LINGO2: variants seen among roughly 807,000 people sequenced by gnomAD.
The protein encoded by LINGO2 is leucine rich repeat and Ig domain containing 2.
Under a neutral mutation model 30.6 loss-of-function variants are expected in LINGO2, and 14 were observed. The ratio of observed to expected loss-of-function variants is 0.46; its 90% CI spans 0.30 to 0.72. LINGO2 has a LOEUF of 0.72. Ranked by LOEUF, LINGO2 falls within the 30% of genes least tolerant of loss-of-function variation. The probability of loss-of-function intolerance (pLI) is 0.07; values close to 1 mark genes in which losing one functional copy is unlikely to be tolerated. For synonymous variants in LINGO2, 317 were observed against 288.5 expected (o/e 1.10, Z -1.00); for missense variants, 729 against 751.7 (o/e 0.97, Z 0.35).
intron 4 of LINGO2, among the ~76,000 whole-genome samples, chr9:28,017,682 A>ATT (rs1822907230): frequency 6.6e-6 from 1 of 152,150 alleles, no homozygotes; most frequent in South Asian, 2.1e-4. Context: ...ACAAATGAGA[A>ATT]TTTCAAAACA....
chr9:28,937,623 C>T, the LINGO2 span, among the ~76,000 whole-genome samples: 1 of 151,978 alleles, frequency 6.6e-6, no homozygotes, highest in South Asian at 2.1e-4. Context: ...GCAGTTTTGC[C>T]CCTGAGGAAA....
upstream of LINGO2, among the ~76,000 whole-genome samples, chr9:28,675,252 A>G (rs1462290141): frequency 6.6e-6 from 1 of 152,156 alleles, no homozygotes; most frequent in Non-Finnish European, 1.5e-5. Flanking sequence ...CACTGCCTTT[A>G]AAGTTTCAAA....
rs77985974 is a variant in LINGO2 at position 28,550,529 on chromosome 9, T to C, written c.-364-74504A>G. Among the ~76,000 whole-genome samples, 54 of 151,992 alleles carry C rather than the reference T, an allele frequency of 3.6e-4. No individual in the cohort carries two copies. In the East Asian group the frequency reaches 8.3e-3, roughly 23 times the overall value. On this transcript the variant is annotated intron_variant, in intron 1 of 5. Transcript: ENST00000379992. ...TCTTAAACATATTTATTTTATTATA[T>C]CTTTCAAATTGTTCTATTATTTCAG...
intron 4 of LINGO2, among the ~76,000 whole-genome samples, chr9:28,158,199 G>A (rs1182697697): frequency 2.0e-5 from 3 of 152,186 alleles, no homozygotes; most frequent in African/African-American, 7.2e-5. Flanking sequence ...GTAGATAGGA[G>A]AAGAGAGCTT....
At chr9:28,928,475 G>GTT in the LINGO2 span, among the ~76,000 whole-genome samples, 2 of 150,816 alleles carry the variant, frequency 1.3e-5, no homozygotes, top group Non-Finnish European at 3.0e-5. Flanking sequence ...ACTTATATGT[G>GTT]TTTTTTTTTA....
chr9:28,316,428 A>G (rs1311348914), intron 3 of LINGO2, among the ~76,000 whole-genome samples: 1 of 152,176 alleles, frequency 6.6e-6, no homozygotes, highest in African/African-American at 2.4e-5. Context: ...AATTATTAAG[A>G]CACTGACCTT....
At chr9:28,312,667 C>A (rs1043297522) in intron 3 of LINGO2, among the ~76,000 whole-genome samples, 3 of 151,864 alleles carry the variant, frequency 2.0e-5, no homozygotes, top group Non-Finnish European at 4.4e-5. Flanking sequence ...GTATTTCTAC[C>A]CTTATACAAG....
the LINGO2 span, among the ~76,000 whole-genome samples, chr9:28,807,973 C>T: frequency 1.3e-5 from 2 of 152,256 alleles, no homozygotes; most frequent in Non-Finnish European, 2.9e-5. Context: ...AATGGTCTTA[C>T]TGACCTTATT....
At chr9:27,979,103 T>C (rs1417133514) in intron 5 of LINGO2, among the ~76,000 whole-genome samples, 2 of 151,974 alleles carry the variant, frequency 1.3e-5, no homozygotes, top group Non-Finnish European at 2.9e-5. Context: ...AAACCAGAAA[T>C]AGAAAGTATG....
intron 4 of LINGO2, among the ~76,000 whole-genome samples, chr9:28,132,856 C>T (rs1384731457): frequency 6.6e-6 from 1 of 152,176 alleles, no homozygotes; most frequent in East Asian, 1.9e-4. Context: ...TTTCAGTGGG[C>T]ACTTACGTGA....
chr9:28,613,857 G>A (rs1826022949), intron 1 of LINGO2, among the ~76,000 whole-genome samples: 1 of 152,114 alleles, frequency 6.6e-6, no homozygotes, highest in Non-Finnish European at 1.5e-5. Context: ...TGGTCCATTG[G>A]ACATGTTAAA....
chr9:28,888,028 C>T, the LINGO2 span, among the ~76,000 whole-genome samples: 8 of 152,052 alleles, frequency 5.3e-5, no homozygotes, highest in Non-Finnish European at 1.2e-4. Flanking sequence ...TGTAGAAAAA[C>T]ACTGAGAGGA....
Position 28,441,251 on chromosome 9 carries a change from CTTTTTTTTTTTTTTTTTTTTTTTTTT to C in LINGO2, c.-279+34663_-279+34688del, listed in dbSNP as rs72213590. Reference sequence around the variant, plus strand: ...TATAGCAGTATAAATTCATTGGAGGCTTTTTTTTTTTTTTTTTTTTTTTTTTTTTTTTTTTTTTGGTGAATTAGCCC... The same window carrying C: ...TATAGCAGTATAAATTCATTGGAGGCTTTTTTTTTTTTGGTGAATTAGCCC... On this transcript the variant is annotated intron_variant, in intron 2 of 5. Coordinates refer to ENST00000379992, the Ensembl canonical transcript of LINGO2. Among the ~76,000 whole-genome samples the C allele has an allele frequency of 1.2e-3, 42 of 36,286 alleles. 1 individual carries two copies. Among genetic ancestry groups the C allele is most frequent in the East Asian group, 7.2e-3 (10 of 1,392 alleles). 23.8% of individuals were successfully genotyped at this position (36,286 alleles called of 152,430 possible).
the LINGO2 span, among the ~76,000 whole-genome samples, chr9:28,837,682 T>TATATATATATATATATATATATG: frequency 2.1e-5 from 1 of 46,780 alleles, no homozygotes; most frequent in Admixed American, 2.5e-4. Flanking sequence ...ATATATATAT[T>TATATATATATATATATATATATG]TAGGATAACA....
chr9:29,035,982 T>A, the LINGO2 span, among the ~76,000 whole-genome samples: 3 of 151,952 alleles, frequency 2.0e-5, no homozygotes, highest in African/African-American at 4.8e-5. Context: ...GCGGAAACAA[T>A]TTGGGAAGCA....
At chr9:28,302,922 A>G (rs1239361022) in intron 3 of LINGO2, among the ~76,000 whole-genome samples, 2 of 152,190 alleles carry the variant, frequency 1.3e-5, no homozygotes, top group African/African-American at 2.4e-5. Flanking sequence ...TAGCTTGCTT[A>G]AGGTCAAAAA....
chr9:29,005,987 G>T, the LINGO2 span, among the ~76,000 whole-genome samples: 7 of 151,832 alleles, frequency 4.6e-5, no homozygotes, highest in Non-Finnish European at 8.8e-5. Context: ...AATTTTAGGA[G>T]ATTTGAATTT....
the LINGO2 span, among the ~76,000 whole-genome samples, chr9:28,739,499 C>T: frequency 6.6e-6 from 1 of 151,734 alleles, no homozygotes; most frequent in Non-Finnish European, 1.5e-5. Flanking sequence ...AACATCAAAA[C>T]ATGTAAATTC....
At chr9:28,006,099 T>C (rs1467278048) in intron 5 of LINGO2, among the ~76,000 whole-genome samples, 2 of 151,924 alleles carry the variant, frequency 1.3e-5, no homozygotes, top group Non-Finnish European at 2.9e-5. Context: ...TTATTTCCAG[T>C]GTCACCAGGA....
Sources: gnomAD v4.1 joint callset for allele counts (sites outside exome capture counted in the v4.1 genomes callset) on GRCh38, gnomAD v4.1.1 for gene constraint, MANE v1.5 for transcripts, NCBI Gene and HGNC (gene_info 2026-07-23, HGNC 2026-07-21) for gene names.